The following RBFOX3 variants were observed in gnomAD, a reference collection of about 807,000 sequenced individuals.
RBFOX3 encodes RNA binding fox-1 homolog 3.
Under a neutral mutation model 48.7 loss-of-function variants are expected in RBFOX3, and 17 were observed. The ratio of observed to expected loss-of-function variants is 0.35; its 90% CI spans 0.24 to 0.52. The LOEUF (loss-of-function observed/expected upper bound fraction) is 0.52. Ranked by LOEUF, RBFOX3 falls within the 20% of genes least tolerant of loss-of-function variation. The probability of loss-of-function intolerance (pLI) is 0.94; values close to 1 mark genes in which losing one functional copy is unlikely to be tolerated. For missense variants in RBFOX3, 382 were observed against 497.5 expected (o/e 0.77, Z 2.21); for synonymous variants, 212 against 209.5 (o/e 1.01, Z -0.10).
intron 4 of RBFOX3, among the ~76,000 whole-genome samples, chr17:79,146,196 C>T (rs1271332127): frequency 2.6e-5 from 4 of 152,164 alleles, no homozygotes; most frequent in African/African-American, 9.7e-5. Context: ...TCCCACCAAG[C>T]CATGGAGGGG....
the RBFOX3 span, among the ~76,000 whole-genome samples, chr17:79,661,290 G>T: frequency 1.8e-4 from 27 of 151,872 alleles, no homozygotes; most frequent in East Asian, 4.8e-3. Context: ...AAAAGTTGAA[G>T]ATTTTTTTTA....
intron 3 of RBFOX3, among the ~76,000 whole-genome samples, chr17:79,276,747 AGT>A (rs2068940653): frequency 6.6e-6 from 1 of 152,160 alleles, no homozygotes; most frequent in South Asian, 2.1e-4. Context: ...AAGAAACTGG[AGT>A]GTTTCTTCAG....
upstream of RBFOX3, among the ~76,000 whole-genome samples, chr17:79,615,282 G>A (rs1301694645): frequency 6.6e-6 from 1 of 152,080 alleles, no homozygotes; most frequent in South Asian, 2.1e-4. Flanking sequence ...GCGAGATCTC[G>A]ACAAAATTAT....
At chr17:79,124,855 G>C (rs370918625) in intron 4 of RBFOX3, among the ~76,000 whole-genome samples, 1 of 152,080 alleles carries the variant, frequency 6.6e-6, no homozygotes, top group South Asian at 2.1e-4. Context: ...TTGGTCCCCT[G>C]GTTGCCCACT....
At chr17:79,648,387 C>T in the RBFOX3 span, among the ~76,000 whole-genome samples, 2 of 152,166 alleles carry the variant, frequency 1.3e-5, no homozygotes, top group East Asian at 1.9e-4. Flanking sequence ...AGAACTGGGC[C>T]GCTGAGGTAT....
intron 4 of RBFOX3, among the ~76,000 whole-genome samples, chr17:79,150,712 C>T (rs1460149002): frequency 1.3e-5 from 2 of 152,200 alleles, no homozygotes; most frequent in Non-Finnish European, 1.5e-5. Flanking sequence ...AGCAACCCCA[C>T]ACCTGCCCCA....
At chr17:79,628,449 A>G in the RBFOX3 span, among the ~76,000 whole-genome samples, 2 of 152,194 alleles carry the variant, frequency 1.3e-5, no homozygotes, top group Non-Finnish European at 2.9e-5. Flanking sequence ...GCTTCATCAC[A>G]AGGCCGCAGA....
chr17:79,590,820 G>A (rs1160044391), intron 1 of RBFOX3, among the ~76,000 whole-genome samples: 4 of 152,178 alleles, frequency 2.6e-5, no homozygotes, highest in Admixed American at 1.3e-4. Context: ...CAGCCCTGGG[G>A]TAAGAGTTCT....
At position 79,305,749 on chromosome 17, in the gene RBFOX3, T is replaced by C. The variant is rs554093938; in HGVS notation, c.-74+1975A>G. ...CAGGGAGCCTCCGCTGGGCCATTTT[T>C]CAGACTTTAATTGCATTGAGTGAAA... On this transcript the variant is annotated intron_variant, in intron 3 of 14. Transcript: ENST00000693108. Among the ~76,000 whole-genome samples, 5 of 152,370 alleles carry C rather than the reference T, an allele frequency of 3.3e-5. No homozygotes were observed. The East Asian group carries it at 9.6e-4, about 29-fold the overall frequency.
At chr17:79,621,936 T>A in the RBFOX3 span, among the ~76,000 whole-genome samples, 1 of 152,254 alleles carries the variant, frequency 6.6e-6, no homozygotes, top group South Asian at 2.1e-4. Flanking sequence ...GGGAGAAGGA[T>A]AAGGGACAGG....
chr17:79,337,881 G>A (rs962395747), intron 2 of RBFOX3, among the ~76,000 whole-genome samples: 15 of 152,004 alleles, frequency 9.9e-5, no homozygotes, highest in Non-Finnish European at 1.8e-4. Flanking sequence ...TGGCAGGCAT[G>A]TGTCTCTTTT....
At position 79,281,140 on chromosome 17, in the gene RBFOX3, C is replaced by T. The variant is rs555914847; in HGVS notation, c.-74+26584G>A. On this transcript the variant is annotated intron_variant, in intron 3 of 14. Transcript: ENST00000693108. ...ACCAGCTATGTGACCTTGGGAGCTT[C>T]GCGTGTCTTCCAACCTGAGCTGCTT... Among the ~76,000 whole-genome samples the T allele has an allele frequency of 2.0e-3, 300 of 152,348 alleles. 4 individuals carry two copies. Among genetic ancestry groups the T allele is most frequent in the Non-Finnish European group, 2.4e-3 (166 of 68,040 alleles).
intron 3 of RBFOX3, among the ~76,000 whole-genome samples, chr17:79,301,516 G>A (rs561991826): frequency 3.9e-5 from 6 of 152,312 alleles, no homozygotes; most frequent in Admixed American, 3.3e-4. Flanking sequence ...TCACCTAAAG[G>A]CCATCCACAG....
rs1327444494 is a variant in RBFOX3, at chr17:79,608,065, C to T, written c.-320+2761G>A. 1.8e-4 allele frequency among the ~76,000 whole-genome samples: 27 copies of T among 152,230 alleles called. 1 individual carries two copies. Among genetic ancestry groups the T allele is most frequent in the African/African-American group, 6.5e-4 (27 of 41,466 alleles). On this transcript the variant is annotated intron_variant, in intron 1 of 14. Transcript: ENST00000693108. ...GCAGCCTGAGGGCGGCCGCCCGCAG[C>T]GCCTCCAGCGGCCCTGGGACCGTGT...
rs1450916028 is a variant in RBFOX3 at position 79,476,928 on chromosome 17, CGGAAGA to C, written c.-175+5520_-175+5525del. Among the ~76,000 whole-genome samples, 24 of 151,574 alleles carry C rather than the reference CGGAAGA, an allele frequency of 1.6e-4. No individual in the cohort carries two copies. The South Asian group carries it at 3.3e-3, about 21-fold the overall frequency. On this transcript the variant is annotated intron_variant, in intron 2 of 14. Coordinates refer to ENST00000693108, the MANE Select transcript of RBFOX3 (RefSeq NM_001350451.2). ...AAAGAGGAGAAAGAGGAAAAGGAGA[CGGAAGA>C]GGAAGAAGAAGAAAAGGAGGAGGAG...
chr17:79,181,962 A>AACAC (rs56842759), intron 4 of RBFOX3, among the ~76,000 whole-genome samples: 3,849 of 148,336 alleles, frequency 0.026, 79 homozygotes, highest in Middle Eastern at 0.045. Context: ...GTCTCCAAGA[A>AACAC]ACACACACAC....
At chr17:79,097,612 G>GGC in intron 10 of RBFOX3, 80 bp downstream of exon 10, 13 of 695,112 alleles carry the variant, frequency 1.9e-5, no homozygotes, top group Non-Finnish European at 2.2e-5. Flanking sequence ...CGCCCCTCAT[G>GGC]CCCCGCCCCC....
In RBFOX3 at chr17:79,391,079, C is replaced by T. The variant is rs1479296418; in HGVS notation, c.-174-83255G>A. The stretch of plus-strand genomic sequence containing the variant: ...CACTGCCATGGGAGCCTTCGCACCT[C>T]GGGTCTGGTGGCCTGTAACCCCTGC... On this transcript the variant is annotated intron_variant, in intron 2 of 14. Transcript: ENST00000693108. This position sits in a 1 kb window ranked among gnomAD's most constrained non-coding sequence, Gnocchi z 5.0. Among the ~76,000 whole-genome samples the T allele has an allele frequency of 1.3e-5, 2 of 152,214 alleles. No homozygotes were observed. Among genetic ancestry groups the T allele is most frequent in the East Asian group, 3.9e-4 (2 of 5,186 alleles).
At chr17:79,564,722 C>G (rs1349758527) in intron 1 of RBFOX3, among the ~76,000 whole-genome samples, 1 of 152,114 alleles carries the variant, frequency 6.6e-6, no homozygotes, top group African/African-American at 2.4e-5. Flanking sequence ...ACATCCACAC[C>G]ACAGACTAGT....
Sources: gnomAD v4.1 joint callset for allele counts (sites outside exome capture counted in the v4.1 genomes callset) on GRCh38, gnomAD v4.1.1 for gene constraint, Gnocchi (gnomAD v3.1) non-coding constraint, MANE v1.5 for transcripts, NCBI Gene and HGNC (gene_info 2026-07-23, HGNC 2026-07-21) for gene names.